The following BPIFC variants were observed in gnomAD, a reference collection of about 807,000 sequenced individuals.
BPIFC encodes the protein BPI fold containing family C, also known as BPI fold-containing family C protein.
BPIFC carries 60 observed loss-of-function variants against 57.6 expected under a neutral mutation model. The ratio of observed to expected loss-of-function variants is 1.04; its 90% confidence interval spans 0.85 to 1.29. The LOEUF is 1.29. BPIFC is among the 50% of genes most tolerant of loss of function. BPIFC has a pLI of 0.00. For missense variants in BPIFC, 581 were observed against 600.5 expected (o/e 0.97, Z 0.34); for synonymous variants, 243 against 224.5 (o/e 1.08, Z -0.74).
intron 13 of BPIFC, 117 bp downstream of exon 13, chr22:32,431,230 C>G: frequency 1.2e-6 from 1 of 841,968 alleles, no homozygotes; most frequent in Non-Finnish European, 1.8e-6. Context: ...TCTCCTGCCT[C>G]AGCCTCCTGA....
At chr22:32,458,216 A>C in intron 2 of BPIFC, among the ~76,000 whole-genome samples, 1 of 151,954 alleles carries the variant, frequency 6.6e-6, no homozygotes, top group Non-Finnish European at 1.5e-5. Flanking sequence ...TAACACACAC[A>C]CCTGGCTCTC....
At chr22:32,425,801 T>C (rs535530915) in intron 13 of BPIFC, among the ~76,000 whole-genome samples, 1 of 152,224 alleles carries the variant, frequency 6.6e-6, no homozygotes, top group East Asian at 1.9e-4. Flanking sequence ...GTTTTATGCT[T>C]TATGGAGATT....
At chr22:32,460,602 G>A (rs757115337) in intron 2 of BPIFC, among the ~76,000 whole-genome samples, 11 of 152,122 alleles carry the variant, frequency 7.2e-5, no homozygotes, top group East Asian at 1.9e-4. Context: ...CACATGCCAC[G>A]TTTTCTGCCT....
chr22:32,454,489 C>T (rs1394955319), intron 3 of BPIFC, among the ~76,000 whole-genome samples: 2 of 152,172 alleles, frequency 1.3e-5, no homozygotes, highest in Non-Finnish European at 2.9e-5. Flanking sequence ...ATGGAAGCAT[C>T]ACACGACACA....
chr22:32,447,197 C>A lies in BPIFC; in HGVS notation c.374+15G>T, dbSNP rs1327803292. 1 of 1,566,246 alleles carries A rather than the reference C, an allele frequency of 6.4e-7. No individual in the cohort carries two copies. Among genetic ancestry groups the A allele is most frequent in the African/African-American group, 1.4e-5 (1 of 73,226 alleles). ...TCTCCCAGAACAGCTGCAGACATTT[C>A]AGTGGAATACTCACAAAAGTGGAGA... On this transcript the variant is annotated intron_variant, in intron 5 of 16. Coordinates refer to ENST00000300399, the MANE Select transcript of BPIFC (RefSeq NM_174932.3).
Position 32,445,948 on chromosome 22 carries a change from G to C in BPIFC, c.423C>G (p.Thr141=). 1 of 1,614,072 alleles carries C rather than the reference G, an allele frequency of 6.2e-7. No homozygotes were observed. Among genetic ancestry groups the C allele is most frequent in the Non-Finnish European group, 8.5e-7 (1 of 1,180,012 alleles). Residue 141 remains threonine, a synonymous_variant, in exon 6 of 17, where the codon ACC becomes ACG. Transcript: ENST00000300399. ...ADLFLSGVYF[T]GIIILTRNDF... ...CATTTCGGGTTAGGATAATGATACC[G>C]GTAAAGTAGACTCCGGAGAGAAACA...
chr22:32,455,050 C>CTTT (rs1392514246), intron 3 of BPIFC, among the ~76,000 whole-genome samples: 33,651 of 132,846 alleles, frequency 0.25, 4,958 homozygotes, highest in East Asian at 0.52. Context: ...TTTTCATCTC[C>CTTT]ATTTTTTTTT....
At chr22:32,440,528 C>T (rs1934535155) in intron 8 of BPIFC, among the ~76,000 whole-genome samples, 1 of 152,156 alleles carries the variant, frequency 6.6e-6, no homozygotes, top group Non-Finnish European at 1.5e-5. Context: ...AACTCATAGT[C>T]TTGGGGAGTA....
intron 10 of BPIFC, among the ~76,000 whole-genome samples, chr22:32,434,485 A>G (rs1329415980): frequency 1.3e-5 from 2 of 150,200 alleles, no homozygotes; most frequent in Non-Finnish European, 3.0e-5. Context: ...CTTCATTTAT[A>G]TATATTACAA....
intron 2 of BPIFC, among the ~76,000 whole-genome samples, chr22:32,458,096 C>T (rs1568962054): frequency 6.6e-6 from 1 of 152,142 alleles, no homozygotes; most frequent in Non-Finnish European, 1.5e-5. Context: ...AGTGGTTCCC[C>T]TTCTTACTCA....
At chr22:32,459,244 G>A (rs1257797302) in intron 2 of BPIFC, among the ~76,000 whole-genome samples, 1 of 152,180 alleles carries the variant, frequency 6.6e-6, no homozygotes, top group Non-Finnish European at 1.5e-5. Flanking sequence ...AGAGGAAGAA[G>A]TAAGCCAGGT....
At chr22:32,448,405 T>C (rs1363784522) in intron 4 of BPIFC, among the ~76,000 whole-genome samples, 1 of 152,148 alleles carries the variant, frequency 6.6e-6, no homozygotes, top group Admixed American at 6.6e-5. Flanking sequence ...AGGACTATCA[T>C]ACACATTACA....
chr22:32,445,737 A>ATT, intron 6 of BPIFC, 39 bp from the exon 7 acceptor site: 10 of 1,423,618 alleles, frequency 7.0e-6, no homozygotes, highest in Non-Finnish European at 8.6e-6. Flanking sequence ...AAAAAAAAAG[A>ATT]GGTTACTCAG....
At position 32,416,435 on chromosome 22, in the gene BPIFC, A is replaced by T. The variant is rs201266620; in HGVS notation, c.1325-444T>A. ...TCATTCTCCCCGGTTCCATGTTTGC[A>T]TTCTCTCTGATATGTCCCTAGAATT... On this transcript the variant is annotated intron_variant, in intron 15 of 16. Coordinates refer to ENST00000300399, the MANE Select transcript of BPIFC (RefSeq NM_174932.3). Among the ~76,000 whole-genome samples the T allele has an allele frequency of 4.6e-5, 7 of 152,184 alleles. No homozygotes were observed. In the East Asian group the frequency reaches 1.2e-3, roughly 25 times the overall value.
Position 32,414,971 on chromosome 22 carries a change from G to A in BPIFC, c.1402-546C>T, listed in dbSNP as rs573229622. ...AGCAGGGAAGTGGGAGAGCATGCAC[G>A]GTAGTGTAGGGCAGCGGTCCCCAGC... On this transcript the variant is annotated intron_variant, in intron 16 of 16. Coordinates refer to ENST00000300399, the MANE Select transcript of BPIFC (RefSeq NM_174932.3). 2.9e-4 allele frequency among the ~76,000 whole-genome samples: 44 copies of A among 152,326 alleles called. No individual in the cohort carries two copies. In the South Asian group the frequency reaches 7.7e-3, roughly 27 times the overall value.
Position 32,445,785 on chromosome 22 carries a change from A to G in BPIFC, c.530+56T>C. On this transcript the variant is annotated intron_variant, in intron 6 of 16. Coordinates refer to ENST00000300399, the MANE Select transcript of BPIFC (RefSeq NM_174932.3). ...GCCATTTGTAAACCTTCCCTAGGCG[A>G]TGCCTGAGTATCCAGCCCCTAACTA... The G allele has an allele frequency of 1.9e-6, 3 of 1,592,800 alleles. No individual in the cohort carries two copies. The South Asian group carries it at 3.3e-5, about 18-fold the overall frequency.
chr22:32,453,933 C>T (rs923165621), intron 3 of BPIFC, among the ~76,000 whole-genome samples: 6 of 129,630 alleles, frequency 4.6e-5, no homozygotes, highest in African/African-American at 1.6e-4. Flanking sequence ...CAAACAACAA[C>T]AACAACAACA....
intron 13 of BPIFC, among the ~76,000 whole-genome samples, chr22:32,430,792 A>G (rs1226778278): frequency 6.6e-6 from 1 of 151,760 alleles, no homozygotes; most frequent in African/African-American, 2.4e-5. Flanking sequence ...AGCGGTGCAC[A>G]CCACGCCTAG....
chr22:32,421,283 G>T (rs1432272864), intron 13 of BPIFC, among the ~76,000 whole-genome samples: 1 of 152,196 alleles, frequency 6.6e-6, no homozygotes, highest in Non-Finnish European at 1.5e-5. Context: ...TGAAGAAATA[G>T]TAATGAATAG....
Sources: gnomAD v4.1 joint callset for allele counts (sites outside exome capture counted in the v4.1 genomes callset) on GRCh38, gnomAD v4.1.1 for gene constraint, MANE v1.5 for transcripts, NCBI Gene and HGNC (gene_info 2026-07-23, HGNC 2026-07-21) for gene names.